COMMD1: variants seen among roughly 807,000 people sequenced by gnomAD.
The protein encoded by COMMD1 is COMM domain-containing protein 1.
Under a neutral mutation model 17.2 loss-of-function variants are expected in COMMD1, and 10 were observed. The ratio of observed to expected loss-of-function variants is 0.58; its 90% confidence interval spans 0.36 to 0.99. The LOEUF (loss-of-function observed/expected upper bound fraction) is 0.99, where lower values mean the gene tolerates loss of function less well. Ranked by LOEUF, COMMD1 falls within the 50% of genes least tolerant of loss-of-function variation. The pLI is 0.01. For synonymous variants in COMMD1, 97 were observed against 91.6 expected (o/e 1.06, Z -0.34); for missense variants, 270 against 231.8 (o/e 1.17, Z -1.07).
chr2:61,909,206 A>T (rs528168519), intron 1 of COMMD1, among the ~76,000 whole-genome samples: 2 of 152,266 alleles, frequency 1.3e-5, no homozygotes, highest in South Asian at 2.1e-4. Context: ...GATTACAGGC[A>T]TGAGCCACCG....
At chr2:61,894,617 C>G (rs896306765) in intron 1 of COMMD1, among the ~76,000 whole-genome samples, 1 of 151,066 alleles carries the variant, frequency 6.6e-6, no homozygotes, top group Non-Finnish European at 1.5e-5. Flanking sequence ...GAAACTAGGC[C>G]TCTGCTTCAT....
chr2:61,902,807 T>C (rs1669686753), upstream of COMMD1, among the ~76,000 whole-genome samples: 1 of 151,972 alleles, frequency 6.6e-6, no homozygotes. Flanking sequence ...ATCGTGCCAC[T>C]GCACTCCAGC....
chr2:61,970,294 A>G (rs977294163), intron 1 of COMMD1, among the ~76,000 whole-genome samples: 1 of 151,796 alleles, frequency 6.6e-6, no homozygotes, highest in Non-Finnish European at 1.5e-5. Context: ...TGATAAATAT[A>G]TTATTTGTGG....
intron 2 of COMMD1, among the ~76,000 whole-genome samples, chr2:62,126,572 G>T (rs1162043547): frequency 6.6e-6 from 1 of 152,130 alleles, no homozygotes; most frequent in Admixed American, 6.5e-5. Flanking sequence ...GTCTTCTTTT[G>T]AGAAGTGTCT....
chr2:62,087,895 A>G lies in COMMD1; in HGVS notation c.463-47936A>G, dbSNP rs143854799. Among the ~76,000 whole-genome samples the G allele has an allele frequency of 3.3e-5, 5 of 152,350 alleles. No individual in the cohort carries two copies. The East Asian group carries it at 7.7e-4, about 23-fold the overall frequency. The stretch of plus-strand genomic sequence containing the variant: ...TTGCCTTACCCTCAAAATTCATTAA[A>G]ATGTAGTCTATACTCACTGTCTCTA... On this transcript the variant is annotated intron_variant, in intron 2 of 2. Transcript: ENST00000311832.
chr2:61,933,470 C>A (rs1156920500), intron 1 of COMMD1, among the ~76,000 whole-genome samples: 1 of 151,892 alleles, frequency 6.6e-6, no homozygotes, highest in Non-Finnish European at 1.5e-5. Flanking sequence ...GCAGAGGTTC[C>A]AGGCTTAAGG....
intron 2 of COMMD1, among the ~76,000 whole-genome samples, chr2:62,044,067 G>A (rs914947783): frequency 5.3e-5 from 8 of 152,092 alleles, no homozygotes; most frequent in Non-Finnish European, 1.5e-5. Flanking sequence ...ATACTTTGCT[G>A]TTTTCATGGC....
intron 1 of COMMD1, among the ~76,000 whole-genome samples, chr2:61,935,871 C>A (rs1333980043): frequency 3.3e-5 from 5 of 151,600 alleles, no homozygotes; most frequent in Admixed American, 3.3e-4. Flanking sequence ...GGCTGGAGTG[C>A]AGTGGAGCTA....
intron 2 of COMMD1, among the ~76,000 whole-genome samples, chr2:62,096,524 T>C (rs903971652): frequency 6.6e-6 from 1 of 152,234 alleles, no homozygotes; most frequent in Non-Finnish European, 1.5e-5. Flanking sequence ...GTGTTGTTTT[T>C]TTCCCCCCTC....
intron 2 of COMMD1, among the ~76,000 whole-genome samples, chr2:62,044,664 T>C (rs1289145425): frequency 6.6e-6 from 1 of 152,146 alleles, no homozygotes; most frequent in African/African-American, 2.4e-5. Context: ...TTACATTTGT[T>C]TTCTGAAAAG....
intron 2 of COMMD1, among the ~76,000 whole-genome samples, chr2:62,108,319 A>AT (rs1178911857): frequency 3.9e-5 from 6 of 152,182 alleles, no homozygotes; most frequent in African/African-American, 1.4e-4. Context: ...GGCCCTGTCA[A>AT]TTAAACTGAC....
intron 1 of COMMD1, among the ~76,000 whole-genome samples, chr2:61,911,856 T>A (rs1402996530): frequency 6.6e-6 from 1 of 152,222 alleles, no homozygotes; most frequent in Admixed American, 6.6e-5. Context: ...CCTTACATGA[T>A]CTTACCCTTA....
chr2:61,968,142 C>T (rs1423406487), intron 1 of COMMD1, among the ~76,000 whole-genome samples: 1 of 151,582 alleles, frequency 6.6e-6, no homozygotes, highest in East Asian at 1.9e-4. Flanking sequence ...GCCTGGGTGA[C>T]ACAGTGAGAC....
chr2:62,078,033 T>C (rs1185280668), intron 2 of COMMD1, among the ~76,000 whole-genome samples: 1 of 151,970 alleles, frequency 6.6e-6, no homozygotes, highest in Non-Finnish European at 1.5e-5. Flanking sequence ...CACAGAACTT[T>C]GGGAGGCCGA....
At chr2:62,004,554 G>A (rs527721697) in intron 2 of COMMD1, among the ~76,000 whole-genome samples, 3 of 152,130 alleles carry the variant, frequency 2.0e-5, no homozygotes, top group South Asian at 2.1e-4. Flanking sequence ...CACCCACCTC[G>A]GCCTCCCAAA....
chr2:62,110,049 A>T (rs924228735), intron 2 of COMMD1, among the ~76,000 whole-genome samples: 2 of 147,998 alleles, frequency 1.4e-5, no homozygotes, highest in Non-Finnish European at 3.0e-5. Flanking sequence ...GTGAGCCACC[A>T]CATCTAGCCC....
chr2:62,025,523 C>G (rs1669730429), intron 2 of COMMD1, among the ~76,000 whole-genome samples: 1 of 152,248 alleles, frequency 6.6e-6, no homozygotes, highest in Middle Eastern at 3.4e-3. Flanking sequence ...GAGCAAGGCC[C>G]TGTCTCTTTA....
At chr2:62,042,174 A>G (rs761432182) in intron 2 of COMMD1, among the ~76,000 whole-genome samples, 9 of 152,162 alleles carry the variant, frequency 5.9e-5, no homozygotes, top group Non-Finnish European at 1.0e-4. Context: ...CACAGCGCTG[A>G]TTGGTGCACT....
At chr2:62,044,248 T>G (rs1670317066) in intron 2 of COMMD1, among the ~76,000 whole-genome samples, 1 of 151,772 alleles carries the variant, frequency 6.6e-6, no homozygotes, top group Non-Finnish European at 1.5e-5. Flanking sequence ...AGATTTTACT[T>G]TGCAGATTTA....
Sources: allele counts gnomAD v4.1 joint callset (sites outside exome capture counted in the v4.1 genomes callset), GRCh38; gene constraint gnomAD v4.1.1; transcripts MANE v1.5; gene names NCBI Gene and HGNC (gene_info 2026-07-23, HGNC 2026-07-21).